PKNOX2: variants seen among roughly 807,000 people sequenced by gnomAD.
PKNOX2 encodes the protein homeobox protein PKNOX2.
PKNOX2 carries 14 observed loss-of-function variants against 53.1 expected under a neutral mutation model. The observed-to-expected ratio is 0.26, with a 90% CI of 0.17 to 0.41. The LOEUF (loss-of-function observed/expected upper bound fraction) is 0.41, where lower values mean the gene tolerates loss of function less well. Ranked by LOEUF, PKNOX2 falls within the 10% of genes least tolerant of loss-of-function variation. The probability of loss-of-function intolerance (pLI) is 1.00; values close to 1 mark genes in which losing one functional copy is unlikely to be tolerated. For missense variants in PKNOX2, 496 were observed against 602.8 expected, an observed-to-expected ratio of 0.82 and a Z score of 1.85; for synonymous variants, 257 against 242.8, an observed-to-expected ratio of 1.06 and a Z score of -0.54.
intron 10 of PKNOX2, among the ~76,000 whole-genome samples, chr11:125,425,992 G>C (rs1956394806): frequency 1.3e-5 from 2 of 152,202 alleles, no homozygotes; most frequent in African/African-American, 4.8e-5. Context: ...ATTCATAAGA[G>C]AGCAACCAGC....
intron 5 of PKNOX2, among the ~76,000 whole-genome samples, chr11:125,377,535 G>A (rs1461033843): frequency 1.3e-5 from 2 of 152,206 alleles, no homozygotes; most frequent in Non-Finnish European, 1.5e-5. Flanking sequence ...GGCACAGGAA[G>A]GCACAGAAGT....
intron 1 of PKNOX2, among the ~76,000 whole-genome samples, chr11:125,181,876 C>T (rs973679203): frequency 1.3e-5 from 2 of 152,076 alleles, no homozygotes; most frequent in African/African-American, 4.8e-5. Context: ...GGAATCTGGC[C>T]CATTTGGCTT....
intron 5 of PKNOX2, among the ~76,000 whole-genome samples, chr11:125,382,843 C>T (rs142406379): frequency 1.3e-4 from 20 of 152,360 alleles, no homozygotes; most frequent in African/African-American, 4.8e-4. Context: ...TAAGCTAACG[C>T]ATTGTTTTCC....
intron 2 of PKNOX2, among the ~76,000 whole-genome samples, chr11:125,237,310 C>T (rs1305054579): frequency 6.6e-6 from 1 of 152,186 alleles, no homozygotes; most frequent in Non-Finnish European, 1.5e-5. Context: ...AGCATCATAG[C>T]CACTGCATTC....
At chr11:125,389,733 T>C (rs577486200) in intron 6 of PKNOX2, among the ~76,000 whole-genome samples, 1 of 152,384 alleles carries the variant, frequency 6.6e-6, no homozygotes, top group Non-Finnish European at 1.5e-5. Flanking sequence ...AGGTTTTATA[T>C]ATTATGCAAG....
chr11:125,337,893 C>G (rs988004356), intron 3 of PKNOX2, among the ~76,000 whole-genome samples: 7 of 152,166 alleles, frequency 4.6e-5, no homozygotes, highest in African/African-American at 1.2e-4. Flanking sequence ...TTATTTGTCT[C>G]GGGAAGAAGT....
chr11:125,173,512 C>T (rs1955474864), intron 1 of PKNOX2, among the ~76,000 whole-genome samples: 1 of 152,220 alleles, frequency 6.6e-6, no homozygotes, highest in Admixed American at 6.5e-5. Context: ...CTCCCAAGAT[C>T]TTTCATAAAA....
At chr11:125,347,907 T>A (rs1411794700) in intron 3 of PKNOX2, among the ~76,000 whole-genome samples, 1 of 152,184 alleles carries the variant, frequency 6.6e-6, no homozygotes, top group Non-Finnish European at 1.5e-5. Context: ...GTCCTCCACT[T>A]GCAGTCTTGA....
chr11:125,313,483 C>A (rs1948957907), intron 2 of PKNOX2, among the ~76,000 whole-genome samples: 1 of 152,228 alleles, frequency 6.6e-6, no homozygotes, highest in African/African-American at 2.4e-5. Context: ...GGAATCCTCA[C>A]AGAGCTCCTG....
chr11:125,350,476 G>C (rs1198191404), intron 3 of PKNOX2, among the ~76,000 whole-genome samples: 1 of 151,696 alleles, frequency 6.6e-6, no homozygotes. Flanking sequence ...TCTTCTACCA[G>C]CCAAAGAGGC....
chr11:125,368,914 T>C (rs1265119076), intron 5 of PKNOX2, among the ~76,000 whole-genome samples: 1 of 152,214 alleles, frequency 6.6e-6, no homozygotes, highest in African/African-American at 2.4e-5. Context: ...TCATATTCCC[T>C]TGTGGGAGCT....
chr11:125,406,017 G>A (rs1243590999), intron 7 of PKNOX2, among the ~76,000 whole-genome samples: 2 of 152,170 alleles, frequency 1.3e-5, no homozygotes, highest in Non-Finnish European at 2.9e-5. Context: ...AAAGTAACTA[G>A]AACCGTACCA....
intron 3 of PKNOX2, among the ~76,000 whole-genome samples, chr11:125,348,668 A>G (rs534891838): frequency 6.6e-6 from 1 of 152,278 alleles, no homozygotes; most frequent in African/African-American, 2.4e-5. Context: ...TGCTGCTACA[A>G]ATATTTCTGG....
rs577931017 is a variant in PKNOX2 at position 125,343,493 on chromosome 11, C to A, written c.-22-7791C>A. Among the ~76,000 whole-genome samples the A allele has an allele frequency of 2.0e-5, 3 of 152,128 alleles. No individual in the cohort carries two copies. The East Asian group carries it at 5.8e-4, about 29-fold the overall frequency. On this transcript the variant is annotated intron_variant, in intron 3 of 12. Transcript: ENST00000298282. The stretch of plus-strand genomic sequence containing the variant: ...GGAGATGAGAATCTTCATCAAAATG[C>A]TAAAAGCTGGAGGGGAGAGTAATGT...
intron 7 of PKNOX2, among the ~76,000 whole-genome samples, chr11:125,401,808 G>A (rs1211661262): frequency 6.6e-6 from 1 of 151,162 alleles, no homozygotes; most frequent in Non-Finnish European, 1.5e-5. Context: ...TGCACACGCG[G>A]GCACATGCAT....
intron 7 of PKNOX2, among the ~76,000 whole-genome samples, chr11:125,403,144 C>T (rs768538120): frequency 5.3e-4 from 80 of 152,132 alleles, no homozygotes; most frequent in Non-Finnish European, 1.9e-4. Flanking sequence ...CATTCATTCA[C>T]GCATCCTGCA....
At chr11:125,193,878 T>G (rs1591476427) in intron 1 of PKNOX2, among the ~76,000 whole-genome samples, 1 of 152,194 alleles carries the variant, frequency 6.6e-6, no homozygotes, top group Non-Finnish European at 1.5e-5. Flanking sequence ...CCATGTAAGC[T>G]TTCCAAGCCT....
intron 5 of PKNOX2, among the ~76,000 whole-genome samples, chr11:125,381,521 C>T (rs910290449): frequency 1.3e-5 from 2 of 152,078 alleles, no homozygotes; most frequent in Non-Finnish European, 2.9e-5. Context: ...CCAGATATGC[C>T]CCCACATACA....
intron 1 of PKNOX2, among the ~76,000 whole-genome samples, chr11:125,192,101 C>A (rs959487390): frequency 6.6e-6 from 1 of 152,010 alleles, no homozygotes; most frequent in Non-Finnish European, 1.5e-5. Context: ...TGGGGAATTG[C>A]GGCAGGGGGA....
Sources: gnomAD v4.1 joint callset for allele counts (sites outside exome capture counted in the v4.1 genomes callset) on GRCh38, gnomAD v4.1.1 for gene constraint, MANE v1.5 for transcripts, NCBI Gene and HGNC (gene_info 2026-07-23, HGNC 2026-07-21) for gene names.